TFG: variants seen among roughly 807,000 people sequenced by gnomAD.
The protein encoded by TFG is protein TFG.
TFG carries 22 observed loss-of-function variants against 51.4 expected under a neutral mutation model. That is an observed-to-expected ratio of 0.43 (90% CI 0.31 to 0.61). TFG has a LOEUF of 0.61. Ranked by LOEUF, TFG falls within the 20% of genes least tolerant of loss-of-function variation. TFG has a pLI of 0.12. For synonymous variants in TFG, 187 were observed against 165.6 expected (o/e 1.13, Z -0.99); for missense variants, 419 against 487.7 (o/e 0.86, Z 1.33).
intron 2 of TFG, among the ~76,000 whole-genome samples, chr3:100,719,278 T>C (rs745767046): frequency 2.6e-5 from 4 of 152,202 alleles, no homozygotes; most frequent in Non-Finnish European, 5.9e-5. Flanking sequence ...ATGAACTCCT[T>C]GTCTCTGGCT....
At chr3:100,740,835 A>G (rs1397609135) in intron 6 of TFG, among the ~76,000 whole-genome samples, 1 of 152,154 alleles carries the variant, frequency 6.6e-6, no homozygotes, top group Non-Finnish European at 1.5e-5. Context: ...TTTTGAAAAT[A>G]TACATAAAAC....
At chr3:100,718,747 G>A (rs2095053217) in intron 2 of TFG, among the ~76,000 whole-genome samples, 1 of 151,770 alleles carries the variant, frequency 6.6e-6, no homozygotes, top group South Asian at 2.1e-4. Flanking sequence ...TAGTAGAGAC[G>A]GAGTTTCTCC....
At position 100,713,644 on chromosome 3, in the gene TFG, C is replaced by A; in HGVS notation, c.-42C>A. On this transcript the variant is annotated splice_region_variant and 5_prime_UTR_variant, in exon 2 of 8. Transcript: ENST00000240851. ...AATTATCAAAACCACTTTTATCAGTCTTTCTCTAGAGTTGTATATATAGAA... is the reference window on the plus strand; with the variant it reads ...AATTATCAAAACCACTTTTATCAGTATTTCTCTAGAGTTGTATATATAGAA... 1 of 1,369,954 alleles carries A rather than the reference C, an allele frequency of 7.3e-7. No individual in the cohort carries two copies. Among genetic ancestry groups the A allele is most frequent in the South Asian group, 1.9e-5 (1 of 53,592 alleles). 84.9% of individuals were successfully genotyped at this position (1,369,954 alleles called of 1,614,324 possible). A position where few individuals can be genotyped will look rare whatever the true frequency, so the allele number is the denominator to read the frequency against.
chr3:100,734,018 G>A (rs532439528), intron 5 of TFG, among the ~76,000 whole-genome samples: 3 of 152,078 alleles, frequency 2.0e-5, no homozygotes, highest in East Asian at 1.9e-4. Flanking sequence ...GGTTGGACAG[G>A]CAGTTTCTGG....
chr3:100,747,707 C>T (rs948695976), intron 7 of TFG, among the ~76,000 whole-genome samples: 2 of 152,058 alleles, frequency 1.3e-5, no homozygotes, highest in African/African-American at 4.8e-5. Context: ...AAATTTAAAG[C>T]ACCTGATTAG....
chr3:100,734,740 C>G (rs750497893), intron 5 of TFG, among the ~76,000 whole-genome samples: 50 of 152,196 alleles, frequency 3.3e-4, no homozygotes, highest in Non-Finnish European at 5.6e-4. Context: ...GAATTACTCA[C>G]AAAAGAGAAT....
At chr3:100,711,439 G>A (rs1288537819) in intron 1 of TFG, among the ~76,000 whole-genome samples, 5 of 152,110 alleles carry the variant, frequency 3.3e-5, no homozygotes, top group East Asian at 1.9e-4. Context: ...CAACAAACCC[G>A]TACCCCAGTC....
At chr3:100,733,463 C>T (rs546004672) in intron 5 of TFG, among the ~76,000 whole-genome samples, 1 of 152,124 alleles carries the variant, frequency 6.6e-6, no homozygotes, top group Non-Finnish European at 1.5e-5. Flanking sequence ...CTTTATTTTA[C>T]ATTCATTAAG....
intron 2 of TFG, among the ~76,000 whole-genome samples, chr3:100,719,470 T>G (rs1021002924): frequency 8.5e-5 from 13 of 152,216 alleles, no homozygotes; most frequent in African/African-American, 3.1e-4. Context: ...AGTTGATTGT[T>G]TTCATCTTAA....
rs1013445301 is a variant in TFG at position 100,722,205 on chromosome 3, A to T, written c.268+2147A>T. Among the ~76,000 whole-genome samples, 4 of 152,246 alleles carry T rather than the reference A, an allele frequency of 2.6e-5. No homozygotes were observed. The East Asian group carries it at 7.7e-4, about 29-fold the overall frequency. On this transcript the variant is annotated intron_variant, in intron 3 of 7. Coordinates refer to ENST00000240851, the MANE Select transcript of TFG (RefSeq NM_006070.6). The stretch of plus-strand genomic sequence containing the variant: ...GAGCAAGATGCTATTGTATTATGGA[A>T]AAACAATAAACAGATTTTATAAAGA...
At chr3:100,732,410 T>C in intron 4 of TFG, 98 bp from the exon 5 acceptor site, 1 of 725,716 alleles carries the variant, frequency 1.4e-6, no homozygotes. Context: ...CATTCCAGAC[T>C]ATCATTATAC....
At position 100,748,640 on chromosome 3, in the gene TFG, AT is replaced by A; in HGVS notation, c.*115del. The A allele has an allele frequency of 1.7e-6, 2 of 1,181,396 alleles. No individual in the cohort carries two copies. Among genetic ancestry groups the A allele is most frequent in the Non-Finnish European group, 2.3e-6 (2 of 867,606 alleles). The allele number at this position is 1,181,396 out of a possible 1,614,324, so 73.2% of individuals were successfully genotyped here. A position where few individuals can be genotyped will look rare whatever the true frequency, so the allele number is the denominator to read the frequency against. On this transcript the variant is annotated 3_prime_UTR_variant, in exon 8 of 8. Coordinates refer to ENST00000240851, the MANE Select transcript of TFG (RefSeq NM_006070.6). ...AAGTTCAGAAATTTAAAAGCAGAGCATTTTTTATGATATCATTGTTGGTGTT... is the reference window on the plus strand; with the variant it reads ...AAGTTCAGAAATTTAAAAGCAGAGCATTTTTATGATATCATTGTTGGTGTT...
At chr3:100,740,938 A>G (rs368807078) in intron 6 of TFG, among the ~76,000 whole-genome samples, 7 of 152,292 alleles carry the variant, frequency 4.6e-5, no homozygotes, top group African/African-American at 1.7e-4. Context: ...ATGGAGGTGA[A>G]AAATTTCTAT....
At chr3:100,727,103 C>CA (rs893811768) in intron 3 of TFG, among the ~76,000 whole-genome samples, 1 of 152,150 alleles carries the variant, frequency 6.6e-6, no homozygotes, top group African/African-American at 2.4e-5. Context: ...GTTGATCTAT[C>CA]ACAGATTATA....
intron 5 of TFG, among the ~76,000 whole-genome samples, chr3:100,733,360 T>A (rs1414811471): frequency 6.6e-6 from 1 of 152,216 alleles, no homozygotes; most frequent in Non-Finnish European, 1.5e-5. Flanking sequence ...ATTTCTAATA[T>A]GCTGTGGAAC....
chr3:100,720,477 C>T (rs1232156684), intron 3 of TFG, among the ~76,000 whole-genome samples: 1 of 152,188 alleles, frequency 6.6e-6, no homozygotes, highest in Non-Finnish European at 1.5e-5. Context: ...AAACTGGTTT[C>T]GTGTAAGACA....
chr3:100,747,998 A>G (rs2095150207), intron 7 of TFG, 151 bp from the exon 8 acceptor site: 1 of 731,280 alleles, frequency 1.4e-6, no homozygotes, highest in Admixed American at 2.9e-5. Context: ...TGGTCTTGAA[A>G]TATTATGTGA....
chr3:100,728,911 G>T, intron 4 of TFG, 53 bp downstream of exon 4: 1 of 1,451,846 alleles, frequency 6.9e-7, no homozygotes, highest in Non-Finnish European at 9.1e-7. Context: ...TCTTTTTGGA[G>T]GTTTTAAAAA....
rs1163473490 is a variant in TFG, at chr3:100,732,684, TC to T, written c.580+14del. The T allele has an allele frequency of 1.2e-6, 2 of 1,602,554 alleles. No homozygotes were observed. Among genetic ancestry groups the T allele is most frequent in the Non-Finnish European group, 1.7e-6 (2 of 1,173,358 alleles). On this transcript the variant is annotated intron_variant, in intron 5 of 7. Coordinates refer to ENST00000240851, the MANE Select transcript of TFG (RefSeq NM_006070.6). ...TGATCAGGTTTCAGGTAAGTTGGTT[TC>T]CAACTCCTTTACACCCTTCGTTTCC...
Sources: gnomAD v4.1 joint callset for allele counts (sites outside exome capture counted in the v4.1 genomes callset) on GRCh38, gnomAD v4.1.1 for gene constraint, MANE v1.5 for transcripts, NCBI Gene and HGNC (gene_info 2026-07-23, HGNC 2026-07-21) for gene names.